ZNF850: variants seen among roughly 807,000 people sequenced by gnomAD.
ZNF850 encodes putative zinc finger protein ENSP00000330994.
A neutral mutation model predicts 11.9 loss-of-function variants in ZNF850; 2 were observed. The observed-to-expected ratio is 0.17, with a 90% CI of 0.07 to 0.53. The LOEUF (loss-of-function observed/expected upper bound fraction) is 0.53. ZNF850 is among the 20% of genes least tolerant of loss of function. The probability of loss-of-function intolerance (pLI) is 0.94; values close to 1 mark genes in which losing one functional copy is unlikely to be tolerated. For synonymous variants in ZNF850, 381 were observed against 443.0 expected (o/e 0.86, Z 1.76); for missense variants, 1,014 against 1,316.4 (o/e 0.77, Z 3.55).
Position 36,766,284 on chromosome 19 carries a change from A to G in ZNF850, c.-69-3609T>C, listed in dbSNP as rs181102305. On this transcript the variant is annotated intron_variant, in intron 1 of 4. Coordinates refer to ENST00000591344, the MANE Select transcript of ZNF850 (RefSeq NM_001193552.2). The stretch of plus-strand genomic sequence containing the variant: ...AAACAAATGTCTTGTTGGTAGATAT[A>G]TAATACAATACTTTTTAATGGGAAA... Among the ~76,000 whole-genome samples the G allele has an allele frequency of 3.9e-5, 6 of 152,112 alleles. No individual in the cohort carries two copies. In the East Asian group the frequency reaches 5.8e-4, roughly 15 times the overall value.
chr19:36,767,191 C>T (rs368047592), intron 1 of ZNF850, among the ~76,000 whole-genome samples: 20 of 150,024 alleles, frequency 1.3e-4, no homozygotes, highest in South Asian at 8.5e-4. Context: ...GAGCCAAGAC[C>T]GTGGCACTGC....
intron 1 of ZNF850, among the ~76,000 whole-genome samples, chr19:36,765,013 T>C (rs1312083212): frequency 6.6e-5 from 10 of 152,098 alleles, no homozygotes; most frequent in African/African-American, 2.2e-4. Flanking sequence ...TTGCCCCCTG[T>C]ATTAGGGTCA....
At chr19:36,765,789 G>C (rs1161291018) in intron 1 of ZNF850, among the ~76,000 whole-genome samples, 3 of 151,960 alleles carry the variant, frequency 2.0e-5, no homozygotes, top group African/African-American at 7.3e-5. Flanking sequence ...TCTCCATGTT[G>C]GTCAGGCTGG....
intron 1 of ZNF850, among the ~76,000 whole-genome samples, chr19:36,768,138 G>A (rs2040559535): frequency 6.6e-6 from 1 of 151,916 alleles, no homozygotes; most frequent in Admixed American, 6.6e-5. Flanking sequence ...AGGCATGGTG[G>A]TGTACATCTG....
rs1402866974 is a variant in ZNF850 at position 36,746,595 on chromosome 19, C to G, written c.*1172G>C. On this transcript the variant is annotated 3_prime_UTR_variant, in exon 5 of 5. Transcript: ENST00000591344. ...GAACTCTTAACCTCAGGTGATCCAC[C>G]CACCTCAGCCTCCGAAAGTGCTGGC... 1 of 151,992 alleles carries G rather than the reference C, an allele frequency of 6.6e-6. No individual in the cohort carries two copies. The allele number at this position is 151,992 out of a possible 1,614,324, so 9.4% of individuals were successfully genotyped here. A position where few individuals can be genotyped will look rare whatever the true frequency, so the allele number is the denominator to read the frequency against.
At chr19:36,760,790 G>A (rs1460133034) in intron 4 of ZNF850, among the ~76,000 whole-genome samples, 3 of 150,248 alleles carry the variant, frequency 2.0e-5, no homozygotes, top group Admixed American at 1.3e-4. Context: ...ACTTGAACCC[G>A]GGAAGTGGAG....
At chr19:36,756,550 T>C (rs893563822) in intron 4 of ZNF850, among the ~76,000 whole-genome samples, 16 of 152,248 alleles carry the variant, frequency 1.1e-4, no homozygotes, top group Admixed American at 7.2e-4. Flanking sequence ...TTACTATTTA[T>C]AGATTTACTT....
In ZNF850 at chr19:36,750,521, T is replaced by C; in HGVS notation, c.519A>G (p.Thr173=). The C allele has an allele frequency of 2.0e-6, 3 of 1,536,236 alleles. No homozygotes were observed. The highest frequency in any genetic ancestry group is 2.6e-6 in the Non-Finnish European group (3 of 1,146,920). Residue 173 remains threonine (T), a synonymous_variant, in exon 5 of 5, where the codon ACA becomes ACG. Coordinates refer to ENST00000591344, the MANE Select transcript of ZNF850 (RefSeq NM_001193552.2). ...AGCCATACTTAAAAGCCATACATTCTGTGGATTTATACAGTTTCTCTCCAG... is the reference window on the plus strand; with the variant it reads ...AGCCATACTTAAAAGCCATACATTCCGTGGATTTATACAGTTTCTCTCCAG... ...IHPGEKLYKS[T]ECMAFKYGSE...
At chr19:36,771,642 G>A (rs1248141556) in intron 1 of ZNF850, among the ~76,000 whole-genome samples, 2 of 152,106 alleles carry the variant, frequency 1.3e-5, no homozygotes, top group Admixed American at 6.6e-5. Flanking sequence ...CAATGAGGGG[G>A]TGAAGTTATG....
chr19:36,768,935 C>T (rs1198888582), intron 1 of ZNF850, among the ~76,000 whole-genome samples: 2 of 136,848 alleles, frequency 1.5e-5, no homozygotes, highest in African/African-American at 5.5e-5. Context: ...GCACTCCAGT[C>T]TGGGTAACAG....
In ZNF850 at chr19:36,749,854, T is replaced by G. The variant is rs1287955157; in HGVS notation, c.1186A>C (p.Lys396Gln). Reference sequence around the variant, plus strand: ...AAAGTAAAAGATTTCCCACATTCCTTACAATCATAGGGTTTCTCACCAGTG... The same window carrying G: ...AAAGTAAAAGATTTCCCACATTCCTGACAATCATAGGGTTTCTCACCAGTG... ...IHTGEKPYDC[K>Q]ECGKSFTFRS... Residue 396 changes from lysine (K) to glutamine (Q), a missense_variant, in exon 5 of 5, where the codon AAG becomes CAG. Transcript: ENST00000591344. 3 of 1,578,304 alleles carry G rather than the reference T, an allele frequency of 1.9e-6. No individual in the cohort carries two copies. Among genetic ancestry groups the G allele is most frequent in the East Asian group, 4.6e-5 (2 of 43,210 alleles).
rs767752451 is a variant in ZNF850, at chr19:36,748,826, A to G, written c.2214T>C (p.Phe738=). 2.1e-5 allele frequency: 33 copies of G among 1,547,560 alleles called. No individual in the cohort carries two copies. Among genetic ancestry groups the G allele is most frequent in the Middle Eastern group, 1.7e-4 (1 of 6,022 alleles). ...GTTGAATTAGTGTTGAGTGAGAAGTAAAAGATTTCCCACATTCCTTACCAT... is the reference window on the plus strand; with the variant it reads ...GTTGAATTAGTGTTGAGTGAGAAGTGAAAGATTTCCCACATTCCTTACCAT... ...PYDGKECGKS[F]TSHSTLIQHQ... The change falls in exon 5 of 5, where the codon TTT becomes TTC. Residue 738 remains phenylalanine (F), a synonymous_variant. Transcript: ENST00000591344.
At chr19:36,765,092 C>T (rs1422227507) in intron 1 of ZNF850, among the ~76,000 whole-genome samples, 5 of 152,218 alleles carry the variant, frequency 3.3e-5, no homozygotes, top group Non-Finnish European at 7.3e-5. Context: ...CTGCTAGCAA[C>T]ATTGCTGCTT....
intron 1 of ZNF850, among the ~76,000 whole-genome samples, chr19:36,771,703 G>A (rs148205930): frequency 4.3e-4 from 66 of 152,248 alleles, no homozygotes; most frequent in African/African-American, 1.6e-3. Context: ...AAAGGAAAGT[G>A]GCCGCCGGAA....
rs1023939438 is a variant in ZNF850 at position 36,750,634 on chromosome 19, G to A, written c.406C>T (p.Arg136Ter). Reference protein sequence around the residue: ...QFQHQDINQERYLEKAIMTYE... With the variant: ...QFQHQDINQE ...GTCATTATTGCTTTTTCCAAATATC[G>A]CTCCTGATTTATATCTTGGTGCTGA... Residue 136 changes from arginine (R) to a stop codon, truncating the protein, a stop_gained, in exon 5 of 5, where the codon CGA becomes TGA. Coordinates refer to ENST00000591344, the MANE Select transcript of ZNF850 (RefSeq NM_001193552.2). LOFTEE classifies it low-confidence loss of function (END_TRUNC). 7.8e-6 allele frequency: 12 copies of A among 1,535,864 alleles called. No individual in the cohort carries two copies. Among genetic ancestry groups the A allele is most frequent in the Admixed American group, 3.9e-5 (2 of 50,942 alleles).
rs2040526406 is a variant in ZNF850, at chr19:36,762,667, T to C, written c.-61A>G. The C allele has an allele frequency of 1.4e-6, 2 of 1,476,890 alleles. No homozygotes were observed. The highest frequency in any genetic ancestry group is 1.7e-4 in the Middle Eastern group (1 of 5,882). The allele number at this position is 1,476,890 out of a possible 1,614,324, so 91.5% of individuals were successfully genotyped here. A position where few individuals can be genotyped will look rare whatever the true frequency, so the allele number is the denominator to read the frequency against. ...AGAATGGGACATTCCGAATATTCCA[T>C]GGTTAGAGCTGGGAATGAATAAAAC... On this transcript the variant is annotated 5_prime_UTR_variant, in exon 2 of 5. The change abolishes an upstream ATG in the 5' untranslated region. Coordinates refer to ENST00000591344, the MANE Select transcript of ZNF850 (RefSeq NM_001193552.2).
intron 4 of ZNF850, among the ~76,000 whole-genome samples, chr19:36,759,936 T>C (rs2040508494): frequency 6.6e-6 from 1 of 152,228 alleles, no homozygotes; most frequent in African/African-American, 2.4e-5. Context: ...CACCAACTTA[T>C]TGAAAATGGA....
chr19:36,753,099 G>T (rs73617803), intron 4 of ZNF850, among the ~76,000 whole-genome samples: 1 of 151,466 alleles, frequency 6.6e-6, no homozygotes, highest in Non-Finnish European at 1.5e-5. Context: ...ACAAAACCCC[G>T]ACTTTACTAA....
intron 3 of ZNF850, 140 bp downstream of exon 3, chr19:36,762,165 G>A (rs1201375421): frequency 1.5e-6 from 1 of 649,376 alleles, no homozygotes; most frequent in Non-Finnish European, 2.5e-6. Flanking sequence ...GCATGGAGAA[G>A]ATGGAGTGAC....
Sources: allele counts gnomAD v4.1 joint callset (sites outside exome capture counted in the v4.1 genomes callset), GRCh38; gene constraint gnomAD v4.1.1; transcripts MANE v1.5; gene names NCBI Gene and HGNC (gene_info 2026-07-23, HGNC 2026-07-21).